PHACTR1: variants seen among roughly 807,000 people sequenced by gnomAD.
The protein encoded by PHACTR1 is RPEL repeat containing 1.
A neutral mutation model predicts 69.2 loss-of-function variants in PHACTR1; 16 were observed. That is an observed-to-expected ratio of 0.23 (90% CI 0.16 to 0.35). PHACTR1 has a LOEUF of 0.35. Ranked by LOEUF, PHACTR1 falls within the 10% of genes least tolerant of loss-of-function variation. The pLI is 1.00. For synonymous variants in PHACTR1, 312 were observed against 284.5 expected (o/e 1.10, Z -0.97); for missense variants, 510 against 734.7 (o/e 0.69, Z 3.54).
At chr6:12,958,031 C>G (rs1195293045) in intron 4 of PHACTR1, 1 of 985,046 alleles carries the variant, frequency 1.0e-6, no homozygotes, top group Admixed American at 6.1e-5. Context: ...TTTGGGCAGC[C>G]TTTAAGGTAG....
At chr6:13,226,886 T>A (rs559077846) in intron 8 of PHACTR1, among the ~76,000 whole-genome samples, 78 of 152,104 alleles carry the variant, frequency 5.1e-4, no homozygotes, top group African/African-American at 1.6e-3. Context: ...TACAGGTGCG[T>A]GCCACCACAC....
At position 13,212,032 on chromosome 6, in the gene PHACTR1, C is replaced by T. The variant is rs576007151; in HGVS notation, c.986+5896C>T. Among the ~76,000 whole-genome samples the T allele has an allele frequency of 3.0e-4, 45 of 152,294 alleles. No homozygotes were observed. The South Asian group carries it at 8.7e-3, about 29-fold the overall frequency. ...AGGGTTGGTTTCTCCTGGGGACTCT[C>T]TTCTTGGCTTGTAGGTGGTGTCTTC... is the stretch of plus-strand genomic sequence containing the variant. On this transcript the variant is annotated intron_variant, in intron 8 of 14. Transcript: ENST00000332995.
intron 4 of PHACTR1, among the ~76,000 whole-genome samples, chr6:12,826,896 C>T (rs1776861627): frequency 1.3e-5 from 2 of 152,194 alleles, no homozygotes; most frequent in South Asian, 2.1e-4. Context: ...GAAGGACCAA[C>T]GAGTTCCATT....
At chr6:12,739,595 A>G (rs1764768938) in intron 3 of PHACTR1, among the ~76,000 whole-genome samples, 2 of 152,156 alleles carry the variant, frequency 1.3e-5, no homozygotes, top group African/African-American at 2.4e-5. Context: ...GCTAGAGTGC[A>G]GTGGCATGAA....
chr6:12,974,146 C>T (rs4715032), intron 4 of PHACTR1, among the ~76,000 whole-genome samples: 77,082 of 151,782 alleles, frequency 0.51, 22,644 homozygotes, highest in African/African-American at 0.81. Flanking sequence ...GGTCTCAAAC[C>T]CCTGACATTG....
rs144848587 is a variant in PHACTR1 at position 13,240,955 on chromosome 6, C to T, written c.1391+10762C>T. On this transcript the variant is annotated intron_variant, in intron 10 of 14. Transcript: ENST00000332995. ...CCATTCTGTAGATGAGGAAACTGAACCAATGATCTCAGAGATGATAAAGGG... is the reference window on the plus strand; with the variant it reads ...CCATTCTGTAGATGAGGAAACTGAATCAATGATCTCAGAGATGATAAAGGG... 5.4e-3 allele frequency among the ~76,000 whole-genome samples: 817 copies of T among 152,306 alleles called. 9 individuals carry two copies. Among genetic ancestry groups the T allele is most frequent in the African/African-American group, 0.018 (730 of 41,564 alleles).
At chr6:13,277,075 T>C (rs1779078434) in intron 11 of PHACTR1, among the ~76,000 whole-genome samples, 2 of 152,200 alleles carry the variant, frequency 1.3e-5, no homozygotes, top group Admixed American at 1.3e-4. Flanking sequence ...AGTCCAACAA[T>C]GCTACGCTGA....
chr6:13,116,440 GT>G (rs953098718), intron 5 of PHACTR1, among the ~76,000 whole-genome samples: 3 of 152,200 alleles, frequency 2.0e-5, no homozygotes, highest in Admixed American at 2.0e-4. Context: ...GCCAACATTT[GT>G]TGAGCACTTA....
chr6:13,087,008 C>A (rs902249367), intron 5 of PHACTR1, among the ~76,000 whole-genome samples: 54 of 151,906 alleles, frequency 3.6e-4, no homozygotes, highest in African/African-American at 1.1e-3. Context: ...TTCATAATGA[C>A]TAATGAGCAT....
intron 4 of PHACTR1, chr6:12,957,293 C>A: frequency 2.4e-6 from 2 of 837,518 alleles, no homozygotes; most frequent in Non-Finnish European, 2.9e-6. Context: ...CTGTGAGTTC[C>A]AGACTTCCAA....
In PHACTR1 at chr6:13,230,444, G is replaced by T. The variant is rs1770678145; in HGVS notation, c.1391+251G>T. The T allele has an allele frequency of 6.9e-6, 5 of 722,916 alleles. No individual in the cohort carries two copies. The South Asian group carries it at 9.0e-5, about 13-fold the overall frequency. 44.8% of individuals were successfully genotyped at this position (722,916 alleles called of 1,614,324 possible). ...GCCTGTAGTCCCAGCTACTCGGGAG[G>T]CTGAGGCAGGAGGATTGCTTGAATC... On this transcript the variant is annotated intron_variant, in intron 10 of 14. Coordinates refer to ENST00000332995, the MANE Select transcript of PHACTR1 (RefSeq NM_030948.6).
intron 4 of PHACTR1, among the ~76,000 whole-genome samples, chr6:12,774,493 G>A (rs1198874602): frequency 6.6e-6 from 1 of 152,096 alleles, no homozygotes; most frequent in Admixed American, 6.5e-5. Context: ...CAGGGTTCAA[G>A]CAATTCTCCT....
At chr6:12,805,575 CTT>C (rs1774212466) in intron 4 of PHACTR1, among the ~76,000 whole-genome samples, 6 of 151,676 alleles carry the variant, frequency 4.0e-5, no homozygotes, top group African/African-American at 1.5e-4. Context: ...TTCTTTCTTT[CTT>C]TCTCTCTCTC....
chr6:12,976,245 G>A, intron 4 of PHACTR1, among the ~76,000 whole-genome samples: 1 of 152,296 alleles, frequency 6.6e-6, no homozygotes, highest in African/African-American at 2.4e-5. Flanking sequence ...GCAGCATATG[G>A]AATATTCTAA....
intron 4 of PHACTR1, among the ~76,000 whole-genome samples, chr6:12,888,230 G>A (rs756958949): frequency 4.6e-5 from 7 of 152,036 alleles, no homozygotes; most frequent in East Asian, 1.9e-4. Flanking sequence ...GGGATACAGC[G>A]TTCATTCATC....
At chr6:13,251,463 C>T (rs1232957314) in intron 10 of PHACTR1, among the ~76,000 whole-genome samples, 2 of 152,308 alleles carry the variant, frequency 1.3e-5, no homozygotes, top group African/African-American at 4.8e-5. Flanking sequence ...AAGAAACTGC[C>T]TGCCCATGTG....
rs146770068 is a variant in PHACTR1 at position 12,827,069 on chromosome 6, A to T, written c.250+77279A>T. On this transcript the variant is annotated intron_variant, in intron 4 of 14. Coordinates refer to ENST00000332995, the MANE Select transcript of PHACTR1 (RefSeq NM_030948.6). ...TCGTCCTTCTTTGTTGTTTCTGTGC[A>T]TAAAGCTGATAGTCATTACGCTATT... Among the ~76,000 whole-genome samples, 23 of 152,336 alleles carry T rather than the reference A, an allele frequency of 1.5e-4. 1 individual carries two copies. The highest frequency in any genetic ancestry group is 3.4e-3 in the Middle Eastern group (1 of 294).
Position 13,084,980 on chromosome 6 carries a change from G to A in PHACTR1, c.415+31451G>A, listed in dbSNP as rs192275603. 1.7e-3 allele frequency among the ~76,000 whole-genome samples: 253 copies of A among 152,148 alleles called. 1 individual carries two copies. The highest frequency in any genetic ancestry group is 5.7e-3 in the African/African-American group (238 of 41,530). On this transcript the variant is annotated intron_variant, in intron 5 of 14. Transcript: ENST00000332995. ...ATTATGGCAATTAGCGTAGAATAAAGGGGGAGAAATATTAATAAATCCAAA... is the reference window on the plus strand; with the variant it reads ...ATTATGGCAATTAGCGTAGAATAAAAGGGGAGAAATATTAATAAATCCAAA...
intron 4 of PHACTR1, among the ~76,000 whole-genome samples, chr6:12,833,853 T>C (rs1467772334): frequency 1.3e-5 from 2 of 152,032 alleles, no homozygotes; most frequent in African/African-American, 4.8e-5. Flanking sequence ...CCAGCCTCCC[T>C]CTCCTTCTAC....
Sources: gnomAD v4.1 joint callset for allele counts (sites outside exome capture counted in the v4.1 genomes callset) on GRCh38, gnomAD v4.1.1 for gene constraint, MANE v1.5 for transcripts, NCBI Gene and HGNC (gene_info 2026-07-23, HGNC 2026-07-21) for gene names.